Variants in TMEM123 observed in about 807,000 individuals in gnomAD.
TMEM123 encodes the protein porimin.
A neutral mutation model predicts 19.7 loss-of-function variants in TMEM123; 16 were observed. That is an observed-to-expected ratio of 0.81 (90% CI 0.55 to 1.23). The LOEUF (loss-of-function observed/expected upper bound fraction) is 1.23, where lower values mean the gene tolerates loss of function less well. TMEM123 is among the 50% of genes most tolerant of loss of function. The pLI is 0.00. For synonymous variants in TMEM123, 118 were observed against 99.4 expected (o/e 1.19, Z -1.12); for missense variants, 313 against 257.8 (o/e 1.21, Z -1.47).
chr11:102,447,109 T>G (rs1857892931), intron 2 of TMEM123, among the ~76,000 whole-genome samples: 1 of 152,240 alleles, frequency 6.6e-6, no homozygotes, highest in Non-Finnish European at 1.5e-5. Flanking sequence ...AAAACATTTT[T>G]AATAGTTGTA....
chr11:102,400,608 A>C (rs2135840568), intron 4 of TMEM123, among the ~76,000 whole-genome samples: 1 of 152,356 alleles, frequency 6.6e-6, no homozygotes. Context: ...GAGTATGTTG[A>C]AACCCTAATC....
intron 2 of TMEM123, among the ~76,000 whole-genome samples, chr11:102,440,343 C>A (rs11607657): frequency 4.6e-5 from 7 of 152,124 alleles, no homozygotes; most frequent in African/African-American, 1.4e-4. Flanking sequence ...AGACTAACAG[C>A]GGATGTCTCG....
chr11:102,434,758 G>A lies in TMEM123; in HGVS notation c.157+14054C>T, dbSNP rs375476717. Among the ~76,000 whole-genome samples, 170 of 151,884 alleles carry A rather than the reference G, an allele frequency of 1.1e-3. 2 individuals are homozygous for A. Among genetic ancestry groups the A allele is most frequent in the African/African-American group, 3.9e-3 (161 of 41,466 alleles). On this transcript the variant is annotated intron_variant, in intron 2 of 4. Transcript: ENST00000398136. The stretch of plus-strand genomic sequence containing the variant: ...TCATTTTGAGTTGATTTTTCCATAT[G>A]GAAATCATGTGGTCTGATATCAGGG...
intron 2 of TMEM123, among the ~76,000 whole-genome samples, chr11:102,424,928 C>T (rs1214353998): frequency 2.0e-5 from 3 of 152,332 alleles, no homozygotes; most frequent in South Asian, 2.1e-4. Flanking sequence ...CAGAAGCACA[C>T]TCTTGGTCAA....
intron 2 of TMEM123, among the ~76,000 whole-genome samples, chr11:102,427,123 C>T (rs1287456307): frequency 6.6e-6 from 1 of 150,802 alleles, no homozygotes; most frequent in Non-Finnish European, 1.5e-5. Flanking sequence ...CTGGAACACA[C>T]TATACATATC....
chr11:102,440,269 G>A (rs1336430802), intron 2 of TMEM123, among the ~76,000 whole-genome samples: 1 of 152,136 alleles, frequency 6.6e-6, no homozygotes, highest in African/African-American at 2.4e-5. Flanking sequence ...AAGTTGAAAT[G>A]AAGGAAAAAA....
chr11:102,415,348 AC>A (rs1253096448), intron 2 of TMEM123, among the ~76,000 whole-genome samples: 1 of 152,226 alleles, frequency 6.6e-6, no homozygotes, highest in African/African-American at 2.4e-5. Flanking sequence ...ACAGATATCT[AC>A]AGAGCACTCC....
chr11:102,410,024 A>C (rs1249874893), intron 2 of TMEM123, among the ~76,000 whole-genome samples: 2 of 152,202 alleles, frequency 1.3e-5, no homozygotes, highest in African/African-American at 4.8e-5. Context: ...AAATTTAAAA[A>C]GGGAAAAACA....
intron 2 of TMEM123, among the ~76,000 whole-genome samples, chr11:102,438,042 T>C (rs1392041383): frequency 6.6e-6 from 1 of 152,042 alleles, no homozygotes; most frequent in African/African-American, 2.4e-5. Context: ...ATAGGTGTTT[T>C]ACCCTGTTTA....
chr11:102,435,145 G>C (rs1857750117), intron 2 of TMEM123, among the ~76,000 whole-genome samples: 1 of 151,886 alleles, frequency 6.6e-6, no homozygotes, highest in Non-Finnish European at 1.5e-5. Context: ...TTTGAGACCA[G>C]CTTGGGCGAC....
intron 1 of TMEM123, among the ~76,000 whole-genome samples, chr11:102,450,987 G>A (rs1857932795): frequency 6.6e-6 from 1 of 152,132 alleles, no homozygotes; most frequent in African/African-American, 2.4e-5. Flanking sequence ...CTAGTTGCAA[G>A]GTGACATTAT....
At chr11:102,400,870 T>C (rs1951906811) in intron 4 of TMEM123, among the ~76,000 whole-genome samples, 1 of 152,150 alleles carries the variant, frequency 6.6e-6, no homozygotes, top group Admixed American at 6.6e-5. Context: ...TACTTTGTTG[T>C]GTCAGCATGA....
rs970910992 is a variant in TMEM123, at chr11:102,448,817, G to A, written c.152C>T (p.Ser51Leu). 5 of 1,613,498 alleles carry A rather than the reference G, an allele frequency of 3.1e-6. No individual in the cohort carries two copies. The highest frequency in any genetic ancestry group is 2.7e-5 in the African/African-American group (2 of 74,904). Residue 51 changes from serine (S) to leucine (L), a missense_variant, in exon 2 of 5, where the codon TCA becomes TTA. By Grantham distance (145) the Ser-to-Leu change is moderately radical. Transcript: ENST00000398136. ...TTTAATCTTTTAAAACTCACCTGTT[G>A]AGTTAGCACTGGAGTTGTGTGGAAG... is the stretch of plus-strand genomic sequence containing the variant. Reference protein sequence around the residue: ...SGLPHNSSANSTETLQHVPSD... With the variant: ...SGLPHNSSANLTETLQHVPSD...
In TMEM123 at chr11:102,401,569, T is replaced by C; in HGVS notation, c.572A>G (p.Tyr191Cys). 1 of 1,593,342 alleles carries C rather than the reference T, an allele frequency of 6.3e-7. No homozygotes were observed. The highest frequency in any genetic ancestry group is 1.2e-5 in the South Asian group (1 of 86,294). Residue 191 changes from tyrosine to cysteine, a missense_variant, in exon 4 of 5, where the codon TAC becomes TGC. Physicochemically the swap from Tyr to Cys is radical, Grantham distance 194. Transcript: ENST00000398136. ...TCGATACCGAATGCCTCTTCTTGAG[T>C]AATACATTTTGCATCCAATGTAAAG... ...SILYIGCKMY[Y>C]SRRGIRYRTI...
intron 2 of TMEM123, among the ~76,000 whole-genome samples, chr11:102,410,514 A>G (rs1375805340): frequency 6.6e-6 from 1 of 151,302 alleles, no homozygotes; most frequent in Non-Finnish European, 1.5e-5. Flanking sequence ...TTAGTTACAA[A>G]AAAAAAAAAA....
intron 1 of TMEM123, among the ~76,000 whole-genome samples, chr11:102,449,911 C>G (rs1019290305): frequency 2.6e-5 from 4 of 152,166 alleles, no homozygotes; most frequent in African/African-American, 9.7e-5. Context: ...TGGAATTGGA[C>G]CAGATAGTTT....
At chr11:102,400,684 G>T (rs926692092) in intron 4 of TMEM123, among the ~76,000 whole-genome samples, 1 of 152,210 alleles carries the variant, frequency 6.6e-6, no homozygotes, top group Admixed American at 6.5e-5. Context: ...TGGAACCCTC[G>T]TGAACAGAAT....
intron 2 of TMEM123, among the ~76,000 whole-genome samples, chr11:102,443,069 A>G (rs910420050): frequency 1.6e-4 from 24 of 152,246 alleles, no homozygotes; most frequent in African/African-American, 5.5e-4. Flanking sequence ...ATGGAAGAAC[A>G]TTCCATGCTC....
intron 4 of TMEM123, 41 bp from the exon 5 acceptor site, chr11:102,398,932 TTC>T (rs2135839356): frequency 6.4e-7 from 1 of 1,572,050 alleles, no homozygotes; most frequent in Non-Finnish European, 8.7e-7. Flanking sequence ...GTTTTGTTTT[TTC>T]TGTCAAAACT....
Sources: gnomAD v4.1 joint callset for allele counts (sites outside exome capture counted in the v4.1 genomes callset) on GRCh38, gnomAD v4.1.1 for gene constraint, MANE v1.5 for transcripts, NCBI Gene and HGNC (gene_info 2026-07-23, HGNC 2026-07-21) for gene names.